The following GPHN variants were observed in gnomAD, a reference collection of about 807,000 sequenced individuals.
The protein encoded by GPHN is gephyrin.
In GPHN, 17 loss-of-function variants were observed where a neutral mutation model predicts 95.5. The ratio of observed to expected loss-of-function variants is 0.18; its 90% CI spans 0.12 to 0.27. GPHN has a LOEUF of 0.27. Among genes scored for constraint, GPHN ranks in the 10% least tolerant of loss-of-function variants. The pLI is 1.00. For missense variants in GPHN, 660 were observed against 978.1 expected (o/e 0.67, Z 4.34); for synonymous variants, 320 against 322.5 (o/e 0.99, Z 0.08).
At chr14:67,691,895 C>A in the GPHN span, 1 of 154,196 alleles carries the variant, frequency 6.5e-6, no homozygotes, top group South Asian at 2.0e-4. Flanking sequence ...ATCCTCATAT[C>A]ATTTGGTGGT....
intron 16 of GPHN, among the ~76,000 whole-genome samples, chr14:67,114,512 G>A (rs777476210): frequency 7.9e-5 from 12 of 152,138 alleles, no homozygotes; most frequent in South Asian, 2.1e-4. Context: ...GCAACATAGC[G>A]GGACCCTGCC....
At chr14:66,707,870 G>A (rs145140484) in intron 2 of GPHN, among the ~76,000 whole-genome samples, 1 of 152,172 alleles carries the variant, frequency 6.6e-6, no homozygotes, top group East Asian at 1.9e-4. Flanking sequence ...TTGTATAATG[G>A]TCAAATCAGG....
the GPHN span, among the ~76,000 whole-genome samples, chr14:67,304,667 A>C: frequency 6.6e-6 from 1 of 152,170 alleles, no homozygotes; most frequent in Non-Finnish European, 1.5e-5. Flanking sequence ...ATTACTAATC[A>C]GTACCAAGTT....
the GPHN span, chr14:67,653,642 T>C: frequency 5.9e-6 from 4 of 673,416 alleles, no homozygotes; most frequent in Admixed American, 8.5e-5. Flanking sequence ...GGCCTTTGAG[T>C]GTAAGTAGAA....
intron 1 of GPHN, among the ~76,000 whole-genome samples, chr14:66,665,820 T>C (rs1321844107): frequency 6.6e-6 from 1 of 152,176 alleles, no homozygotes; most frequent in African/African-American, 2.4e-5. Flanking sequence ...ATTGTGGCAC[T>C]ATTCACAATA....
chr14:66,970,848 C>T (rs1160265855), intron 9 of GPHN, among the ~76,000 whole-genome samples: 4 of 152,150 alleles, frequency 2.6e-5, no homozygotes, highest in Non-Finnish European at 5.9e-5. Context: ...ATTCTCTGAA[C>T]AAAAATATGT....
At chr14:67,644,073 C>T in the GPHN span, among the ~76,000 whole-genome samples, 1 of 152,128 alleles carries the variant, frequency 6.6e-6, no homozygotes, top group Non-Finnish European at 1.5e-5. Flanking sequence ...AATGTGATTA[C>T]CACAGATCTT....
chr14:66,726,585 G>A (rs1265720524), intron 2 of GPHN, among the ~76,000 whole-genome samples: 2 of 152,120 alleles, frequency 1.3e-5, no homozygotes, highest in African/African-American at 2.4e-5. Flanking sequence ...ATGATATGAT[G>A]ATTTTAGACT....
the GPHN span, among the ~76,000 whole-genome samples, chr14:67,508,152 G>C: frequency 8.6e-6 from 1 of 115,678 alleles, no homozygotes; most frequent in Non-Finnish European, 1.9e-5. Context: ...AAAAAAAAGA[G>C]CAATGACTGG....
chr14:66,965,191 A>T lies in GPHN; in HGVS notation c.829A>T (p.Ile277Phe), dbSNP rs199604141. Residue 277 changes from isoleucine to phenylalanine, a missense_variant and splice_region_variant, in exon 9 of 23, where the codon ATT (isoleucine) becomes TTT (phenylalanine). Transcript: ENST00000478722. ...AACCATAGTTGTTCCCCTTGTTCAG[A>T]TTCCAGACTCCATCATTTCTCGTGG... ...NYSHHSTDER[I>F]PDSIISRGVQ... 1.2e-6 allele frequency: 2 copies of T among 1,611,312 alleles called. No individual in the cohort carries two copies. The highest frequency in any genetic ancestry group is 1.7e-5 in the Admixed American group (1 of 59,986).
At chr14:67,485,913 AG>A in the GPHN span, among the ~76,000 whole-genome samples, 1 of 152,212 alleles carries the variant, frequency 6.6e-6, no homozygotes. Context: ...ATGGCAGCTA[AG>A]GCTCACAAAT....
intron 2 of GPHN, among the ~76,000 whole-genome samples, chr14:66,702,150 G>C (rs1198348875): frequency 6.6e-6 from 1 of 152,194 alleles, no homozygotes; most frequent in African/African-American, 2.4e-5. Context: ...ATCTCCCTGG[G>C]CTTGAACCCC....
At chr14:66,686,129 A>G (rs142456201) in intron 2 of GPHN, among the ~76,000 whole-genome samples, 2,910 of 152,282 alleles carry the variant, frequency 0.019, 36 homozygotes, top group Middle Eastern at 0.034. Flanking sequence ...TACCAGTACC[A>G]TGCTGGTTTG....
intron 9 of GPHN, among the ~76,000 whole-genome samples, chr14:67,005,024 A>G (rs2072504661): frequency 6.6e-6 from 1 of 151,678 alleles, no homozygotes; most frequent in African/African-American, 2.4e-5. Flanking sequence ...GACCTCAGGA[A>G]GCATTATAGG....
At position 67,083,876 on chromosome 14, in the gene GPHN, C is replaced by A. The variant is rs1049644740; in HGVS notation, c.1145-5107C>A. On this transcript the variant is annotated intron_variant, in intron 11 of 22. Transcript: ENST00000478722. The stretch of plus-strand genomic sequence containing the variant: ...CAAAATATCCTTCTCTATTTTATAT[C>A]CTCTTTGATCGAAGCTGGTTGTATT... 2.6e-5 allele frequency among the ~76,000 whole-genome samples: 4 copies of A among 152,106 alleles called. No homozygotes were observed. In the South Asian group the frequency reaches 8.3e-4, roughly 32 times the overall value.
intron 1 of GPHN, among the ~76,000 whole-genome samples, chr14:66,661,954 G>A (rs1037323954): frequency 1.3e-5 from 2 of 152,144 alleles, no homozygotes; most frequent in African/African-American, 2.4e-5. Flanking sequence ...CTTGCAGGGC[G>A]GGACTTCCCA....
At chr14:67,131,417 A>C (rs2079699040) in intron 17 of GPHN, among the ~76,000 whole-genome samples, 1 of 152,174 alleles carries the variant, frequency 6.6e-6, no homozygotes, top group Admixed American at 6.5e-5. Context: ...CAGCCCTGCC[A>C]TCTTTTCCTA....
the GPHN span, among the ~76,000 whole-genome samples, chr14:67,215,950 G>A: frequency 6.6e-6 from 1 of 152,008 alleles, no homozygotes; most frequent in Non-Finnish European, 1.5e-5. Context: ...CATTAGATTC[G>A]CTTTTAATGC....
chr14:66,683,361 T>TGTTCATATATATGTTC (rs1332431980), intron 2 of GPHN, among the ~76,000 whole-genome samples: 1 of 84,960 alleles, frequency 1.2e-5, no homozygotes, highest in African/African-American at 6.6e-5. Context: ...TATATATATA[T>TGTTCATATATATGTTC]ATATATATAT....
Sources: allele counts gnomAD v4.1 joint callset (sites outside exome capture counted in the v4.1 genomes callset), GRCh38; gene constraint gnomAD v4.1.1; transcripts MANE v1.5; gene names NCBI Gene and HGNC (gene_info 2026-07-23, HGNC 2026-07-21).